ATM: variants seen among roughly 807,000 people sequenced by gnomAD.
ATM encodes serine-protein kinase ATM.
A neutral mutation model predicts 387.0 loss-of-function variants in ATM; 308 were observed. The observed-to-expected ratio is 0.80, with a 90% CI of 0.73 to 0.87. The LOEUF (loss-of-function observed/expected upper bound fraction) is 0.87. Ranked by LOEUF, ATM falls within the 40% of genes least tolerant of loss-of-function variation. The pLI is 0.00. For missense variants in ATM, 3,312 were observed against 3,560.9 expected (o/e 0.93, Z 1.78); for synonymous variants, 1,156 against 1,187.3 (o/e 0.97, Z 0.54).
rs1245318087 is a variant in ATM at position 108,247,237 on chromosome 11, ACT to A, written c.1065+113_1065+114del. On this transcript the variant is annotated intron_variant, in intron 8 of 62. Coordinates refer to ENST00000675843, the MANE Select transcript of ATM (RefSeq NM_000051.4). Reference sequence around the variant, plus strand: ...GTTCTCACAAAAAGCCTATAAAATGACTCTGTACATGCAACTATTCCTTTCAA... The same window carrying A: ...GTTCTCACAAAAAGCCTATAAAATGACTGTACATGCAACTATTCCTTTCAA... 5.0e-6 allele frequency: 5 copies of A among 998,094 alleles called. No homozygotes were observed. The Admixed American group carries it at 5.8e-5, about 12-fold the overall frequency. 61.8% of individuals were successfully genotyped at this position (998,094 alleles called of 1,614,324 possible).
At chr11:108,253,288 G>A (rs868453989) in intron 12 of ATM, among the ~76,000 whole-genome samples, 1 of 152,044 alleles carries the variant, frequency 6.6e-6, no homozygotes, top group Non-Finnish European at 1.5e-5. Flanking sequence ...AATGATAATT[G>A]AAAACAAAAA....
intron 9 of ATM, 106 bp from the exon 10 acceptor site, chr11:108,250,595 T>A (rs2080079673): frequency 1.6e-6 from 2 of 1,220,690 alleles, no homozygotes; most frequent in Non-Finnish European, 2.3e-6. Flanking sequence ...GAAATGATGG[T>A]GATTCTCTAA....
chr11:108,328,941 GTATTACCTTAA>G (rs1769569726), intron 48 of ATM, 69 bp from the exon 49 acceptor site: 24 of 1,386,912 alleles, frequency 1.7e-5, no homozygotes, highest in Non-Finnish European at 2.4e-5. Flanking sequence ...AAATTTTAGT[GTATTACCTTAA>G]TTTGAGTGAT....
chr11:108,363,767 C>T (rs1184911202), intron 61 of ATM, among the ~76,000 whole-genome samples: 1 of 152,148 alleles, frequency 6.6e-6, no homozygotes, highest in Non-Finnish European at 1.5e-5. Flanking sequence ...TTACTTATTC[C>T]AGTTCCTCCT....
At chr11:108,249,438 A>T (rs1055911032) in intron 9 of ATM, among the ~76,000 whole-genome samples, 2 of 152,234 alleles carry the variant, frequency 1.3e-5, no homozygotes, top group African/African-American at 2.4e-5. Flanking sequence ...CATACGTAGC[A>T]CCTTCTAATA....
intron 18 of ATM, among the ~76,000 whole-genome samples, chr11:108,270,676 T>C (rs1307471011): frequency 6.6e-6 from 1 of 152,106 alleles, no homozygotes; most frequent in Non-Finnish European, 1.5e-5. Context: ...TGTGCATGTA[T>C]GAATTTATGT....
At chr11:108,315,979 C>T (rs2136125251) in intron 41 of ATM, 32 bp from the exon 42 acceptor site, 1 of 1,611,126 alleles carries the variant, frequency 6.2e-7, no homozygotes, top group Non-Finnish European at 8.5e-7. Flanking sequence ...GTGTGTAAAA[C>T]CCAAAGCTAT....
rs369583811 is a variant in ATM, at chr11:108,366,029, CAA to C, written c.*539_*540del. ...GGGTGACAAGAGCGAAACTCCATCT[CAA>C]AAAAAAAAAAAAAAAAACAGAAACG... On this transcript the variant is annotated 3_prime_UTR_variant, in exon 63 of 63. Transcript: ENST00000675843. 632 of 100,328 alleles carry C rather than the reference CAA, an allele frequency of 6.3e-3. No homozygotes were observed. Among genetic ancestry groups the C allele is most frequent in the Middle Eastern group, 0.026 (6 of 228 alleles). 6.2% of individuals were successfully genotyped at this position (100,328 alleles called of 1,614,324 possible).
At position 108,272,578 on chromosome 11, in the gene ATM, C is replaced by T. The variant is rs1177614796; in HGVS notation, c.3124C>T (p.Leu1042=). ...ATATATATTCTCTGTAAGAATGGCC[C>T]TAGTAAATTGCCTTAAAACTTTGCT... is the stretch of plus-strand genomic sequence containing the variant. ...RKYIFSVRMA[L]VNCLKTLLEA... Residue 1042 remains leucine, a synonymous_variant, in exon 21 of 63, where the codon CTA becomes TTA. Transcript: ENST00000675843. 6.2e-7 allele frequency: 1 copy of T among 1,613,748 alleles called. No individual in the cohort carries two copies. Among genetic ancestry groups the T allele is most frequent in the South Asian group, 1.1e-5 (1 of 91,074 alleles).
rs1041719545 is a variant in ATM, at chr11:108,248,908, A to T, written c.1066-25A>T. 6.9e-6 allele frequency: 11 copies of T among 1,582,822 alleles called. No homozygotes were observed. In the African/African-American group the frequency reaches 1.4e-4, roughly 20 times the overall value. On this transcript the variant is annotated intron_variant, in intron 8 of 62. Transcript: ENST00000675843. ...TGGCTCAAAAAAAAAAAAAAGAAAAAAGTGGATTTATTTTTATTTTACAGG... is the reference window on the plus strand; with the variant it reads ...TGGCTCAAAAAAAAAAAAAAGAAAATAGTGGATTTATTTTTATTTTACAGG...
intron 4 of ATM, among the ~76,000 whole-genome samples, chr11:108,234,675 T>A (rs764540338): frequency 6.6e-6 from 1 of 151,582 alleles, no homozygotes; most frequent in African/African-American, 2.4e-5. Context: ...TCTGTCTCTA[T>A]GAAAAATTTA....
At chr11:108,308,043 C>T (rs888732349) in intron 38 of ATM, 59 bp downstream of exon 38, 21 of 1,468,486 alleles carry the variant, frequency 1.4e-5, no homozygotes, top group Non-Finnish European at 2.0e-5. Context: ...TGTTAACTAT[C>T]GGCTGAATTT....
rs786201215 is a variant in ATM, at chr11:108,297,341, C to A, written c.4964C>A (p.Ser1655Tyr). ...VKLVVNLLQLSKMAINHTGEK... is the reference protein window; with the variant it reads ...VKLVVNLLQLYKMAINHTGEK... ...CTAGTTGTCAATTTGTTGCAGTTAT[C>A]CAAGATGGCAATAAACCACACTGGT... The change falls in exon 33 of 63, where the codon TCC (serine) becomes TAC (tyrosine). Residue 1655 changes from serine (S) to tyrosine (Y), a missense_variant. Coordinates refer to ENST00000675843, the MANE Select transcript of ATM (RefSeq NM_000051.4). The A allele has an allele frequency of 3.7e-6, 6 of 1,613,860 alleles. No homozygotes were observed. The highest frequency in any genetic ancestry group is 1.3e-5 in the African/African-American group (1 of 74,876).
chr11:108,368,916 T>C lies in ATM; in HGVS notation c.*3408T>C, dbSNP rs995739893. The C allele has an allele frequency of 3.1e-5, 6 of 194,416 alleles. No homozygotes were observed. Among genetic ancestry groups the C allele is most frequent in the African/African-American group, 1.2e-4 (5 of 43,228 alleles). The allele number at this position is 194,416 out of a possible 1,614,324, so 12.0% of individuals were successfully genotyped here. On this transcript the variant is annotated 3_prime_UTR_variant, in exon 63 of 63. Transcript: ENST00000675843. ...ACTTTGGACAGCGTAAAGACTAGAA[T>C]AGTCTTTTAAAAAGAAAGCCAGTAT...
At chr11:108,292,516 A>G (rs2082849163) in intron 29 of ATM, 103 bp from the exon 30 acceptor site, 2 of 1,354,816 alleles carry the variant, frequency 1.5e-6, no homozygotes, top group Non-Finnish European at 2.1e-6. Flanking sequence ...CAAGGCATAT[A>G]AGAATTAGAG....
chr11:108,352,073 T>TA (rs2089274438), intron 59 of ATM, among the ~76,000 whole-genome samples: 1 of 152,128 alleles, frequency 6.6e-6, no homozygotes, highest in Non-Finnish European at 1.5e-5. Flanking sequence ...TTAAGGAAGA[T>TA]CCTGAGTCTC....
chr11:108,261,719 A>G (rs1174930445), intron 16 of ATM, among the ~76,000 whole-genome samples: 1 of 152,034 alleles, frequency 6.6e-6, no homozygotes, highest in Non-Finnish European at 1.5e-5. Flanking sequence ...AAGGGCAAAG[A>G]AGTTGAAAAC....
intron 56 of ATM, among the ~76,000 whole-genome samples, chr11:108,337,710 A>G (rs1161738688): frequency 6.6e-6 from 1 of 152,256 alleles, no homozygotes; most frequent in Non-Finnish European, 1.5e-5. Flanking sequence ...CAGATAATGT[A>G]GAGATTGCTA....
At chr11:108,252,070 T>G in intron 11 of ATM, 39 bp downstream of exon 11, 1 of 1,576,480 alleles carries the variant, frequency 6.3e-7, no homozygotes, top group Non-Finnish European at 8.7e-7. Flanking sequence ...TTTTTTTTGT[T>G]TGTTTTATCA....
Sources: gnomAD v4.1 joint callset for allele counts (sites outside exome capture counted in the v4.1 genomes callset) on GRCh38, gnomAD v4.1.1 for gene constraint, MANE v1.5 for transcripts, NCBI Gene and HGNC (gene_info 2026-07-23, HGNC 2026-07-21) for gene names.